SMG1: variants seen among roughly 807,000 people sequenced by gnomAD.
SMG1 encodes the protein SMG1 nonsense mediated mRNA decay associated PI3K related kinase, also known as serine/threonine-protein kinase SMG1.
SMG1 carries 22 observed loss-of-function variants against 419.9 expected under a neutral mutation model. The observed-to-expected ratio is 0.05, with a 90% CI of 0.04 to 0.07. The LOEUF (loss-of-function observed/expected upper bound fraction) is 0.07. Among genes scored for constraint, SMG1 ranks in the 10% least tolerant of loss-of-function variants. The probability of loss-of-function intolerance (pLI) is 1.00; values close to 1 mark genes in which losing one functional copy is unlikely to be tolerated. For missense variants in SMG1, 3,185 were observed against 4,342.0 expected (o/e 0.73, Z 7.49); for synonymous variants, 1,538 against 1,553.5 (o/e 0.99, Z 0.23).
Position 18,876,251 on chromosome 16 carries a change from G to T in SMG1, c.1763C>A (p.Ala588Asp), listed in dbSNP as rs562578878. 77 of 1,611,630 alleles carry T rather than the reference G, an allele frequency of 4.8e-5. No individual in the cohort carries two copies. Among genetic ancestry groups the T allele is most frequent in the Non-Finnish European group, 6.3e-5 (74 of 1,179,702 alleles). Residue 588 changes from alanine (A) to aspartate (D), a missense_variant, in exon 13 of 63, where the codon GCC (alanine) becomes GAC (aspartate). By Grantham distance (126) the Ala-to-Asp change is moderately radical (BLOSUM62 -2). Transcript: ENST00000446231. ...NLLHSLQLPEACSEIKHEAFK... is the reference protein window; with the variant it reads ...NLLHSLQLPEDCSEIKHEAFK... ...AGCCTCATGTTTTATTTCAGAACAG[G>T]CCTCAGGAAGTTGTAGACTGTGTAG...
intron 30 of SMG1, 58 bp downstream of exon 30, chr16:18,854,598 C>T: frequency 4.8e-6 from 7 of 1,471,740 alleles, no homozygotes; most frequent in South Asian, 1.3e-5. Context: ...TACACAGTAA[C>T]ATTCATATAC....
intron 29 of SMG1, chr16:18,857,922 G>A (rs2035003939): frequency 7.7e-6 from 2 of 258,328 alleles, no homozygotes; most frequent in South Asian, 8.2e-5. Flanking sequence ...GTAAAGACAA[G>A]TCTAATCCAT....
chr16:18,864,193 T>TCA, intron 23 of SMG1, 49 bp from the exon 24 acceptor site: 3 of 1,204,596 alleles, frequency 2.5e-6, no homozygotes, highest in Non-Finnish European at 3.3e-6. Flanking sequence ...CTTACTTTTT[T>TCA]TTTTTTTTTT....
chr16:18,925,829 C>T (rs2038377633), intron 1 of SMG1, 121 bp downstream of exon 1: 6 of 731,548 alleles, frequency 8.2e-6, no homozygotes, highest in Admixed American at 4.3e-5. Flanking sequence ...CCCAGGAAGC[C>T]GCGCCCGGCT....
intron 3 of SMG1, among the ~76,000 whole-genome samples, chr16:18,894,941 CCG>C (rs1161442638): frequency 6.6e-6 from 1 of 152,078 alleles, no homozygotes; most frequent in African/African-American, 2.4e-5. Context: ...CCTCAGCCTC[CCG>C]TGTAGCTGGG....
chr16:18,844,788 A>G (rs902528547), intron 39 of SMG1, among the ~76,000 whole-genome samples: 7 of 152,296 alleles, frequency 4.6e-5, no homozygotes, highest in Admixed American at 4.6e-4. Context: ...TAAAGGTAAG[A>G]GACAGAGAAA....
intron 1 of SMG1, among the ~76,000 whole-genome samples, chr16:18,904,582 A>G (rs2037483970): frequency 1.3e-5 from 2 of 151,504 alleles, no homozygotes; most frequent in African/African-American, 4.8e-5. Context: ...AGCTTGCAGT[A>G]AGCCGAGATC....
intron 16 of SMG1, 31 bp from the exon 17 acceptor site, chr16:18,870,919 G>A: frequency 9.3e-7 from 1 of 1,074,672 alleles, no homozygotes; most frequent in Non-Finnish European, 1.4e-6. Flanking sequence ...GTTACTTTCA[G>A]CTGGCCAAAA....
intron 56 of SMG1, among the ~76,000 whole-genome samples, chr16:18,818,438 G>C (rs2032217266): frequency 6.6e-6 from 1 of 151,796 alleles, no homozygotes; most frequent in Non-Finnish European, 1.5e-5. Context: ...TTGCTATGTT[G>C]CCCAGGCTGG....
At position 18,866,811 on chromosome 16, in the gene SMG1, C is replaced by G. The variant is rs773560333; in HGVS notation, c.3196-36G>C. 11 of 1,570,422 alleles carry G rather than the reference C, an allele frequency of 7.0e-6. No individual in the cohort carries two copies. In the African/African-American group the frequency reaches 1.1e-4, roughly 15 times the overall value. ...ATTCAGAAAAATTAGTCACCCAATA[C>G]CATTAAAACATAAATCCCTATAAAA... On this transcript the variant is annotated intron_variant, in intron 22 of 62. Coordinates refer to ENST00000446231, the MANE Select transcript of SMG1 (RefSeq NM_015092.5).
intron 6 of SMG1, among the ~76,000 whole-genome samples, chr16:18,886,989 G>A (rs2036637908): frequency 6.6e-6 from 1 of 152,068 alleles, no homozygotes; most frequent in Non-Finnish European, 1.5e-5. Context: ...CTGTTATACA[G>A]AAGAAAAACC....
In SMG1 at chr16:18,868,170, T is replaced by C. The variant is rs1327882492; in HGVS notation, c.3195+20A>G. 6.4e-7 allele frequency: 1 copy of C among 1,571,640 alleles called. No homozygotes were observed. Among genetic ancestry groups the C allele is most frequent in the East Asian group, 2.3e-5 (1 of 44,286 alleles). ...TTCTTATTAACAGACTTAAAATGAA[T>C]TTCAAACACACCACATTACCTGAGA... On this transcript the variant is annotated intron_variant, in intron 22 of 62. Transcript: ENST00000446231.
At chr16:18,899,708 T>C (rs2037273456) in intron 1 of SMG1, among the ~76,000 whole-genome samples, 1 of 152,060 alleles carries the variant, frequency 6.6e-6, no homozygotes, top group Non-Finnish European at 1.5e-5. Flanking sequence ...AGATTTGAAC[T>C]CCAAGAAGCA....
In SMG1 at chr16:18,854,665, A is replaced by G; in HGVS notation, c.4474T>C (p.Tyr1492His). ...AATTAATTTTACTAACCTGCTGTAT[A>G]AAGCAATTTGGTTTTTTCAATATCA... Reference protein sequence around the residue: ...ELDIEKTKLLYTAGQSTHAME... With the variant: ...ELDIEKTKLLHTAGQSTHAME... Residue 1492 changes from tyrosine to histidine, a missense_variant, in exon 30 of 63, where the codon TAT becomes CAT. Physicochemically the swap from Tyr to His is moderately conservative, Grantham distance 83. Coordinates refer to ENST00000446231, the MANE Select transcript of SMG1 (RefSeq NM_015092.5). 1 of 1,613,442 alleles carries G rather than the reference A, an allele frequency of 6.2e-7. No homozygotes were observed. The highest frequency in any genetic ancestry group is 8.5e-7 in the Non-Finnish European group (1 of 1,179,694).
intron 38 of SMG1, among the ~76,000 whole-genome samples, chr16:18,846,681 G>A (rs897813989): frequency 1.3e-5 from 2 of 152,064 alleles, no homozygotes; most frequent in Admixed American, 6.6e-5. Flanking sequence ...ATACCACTTC[G>A]CATCCATCAC....
At chr16:18,850,497 T>G (rs754585178) in intron 33 of SMG1, 30 bp from the exon 34 acceptor site, 3 of 1,482,000 alleles carry the variant, frequency 2.0e-6, no homozygotes, top group South Asian at 2.3e-5. Flanking sequence ...AAAATGCTAT[T>G]TTAAATACAA....
chr16:18,917,020 G>A (rs2038009115), intron 1 of SMG1, among the ~76,000 whole-genome samples: 1 of 152,006 alleles, frequency 6.6e-6, no homozygotes, highest in Admixed American at 6.6e-5. Context: ...TGTCTAACAT[G>A]AAGATTGAGC....
At chr16:18,924,658 A>G (rs555141629) in intron 1 of SMG1, among the ~76,000 whole-genome samples, 18 of 152,308 alleles carry the variant, frequency 1.2e-4, no homozygotes, top group African/African-American at 3.9e-4. Flanking sequence ...TTTATCGAAC[A>G]ATATTTTTTT....
In SMG1 at chr16:18,812,243, T is replaced by C. The variant is rs1313209086; in HGVS notation, c.10622-116A>G. The C allele has an allele frequency of 3.1e-5, 30 of 978,914 alleles. No homozygotes were observed. The East Asian group carries it at 5.7e-4, about 19-fold the overall frequency. The allele number at this position is 978,914 out of a possible 1,614,324, so 60.6% of individuals were successfully genotyped here. ...GATACCCCAATTAAATAATCAACTATAAATCCTTATCCTTGGACACAGCAA... is the reference window on the plus strand; with the variant it reads ...GATACCCCAATTAAATAATCAACTACAAATCCTTATCCTTGGACACAGCAA... On this transcript the variant is annotated intron_variant, in intron 60 of 62. Coordinates refer to ENST00000446231, the MANE Select transcript of SMG1 (RefSeq NM_015092.5).
Sources: gnomAD v4.1 joint callset for allele counts (sites outside exome capture counted in the v4.1 genomes callset) on GRCh38, gnomAD v4.1.1 for gene constraint, MANE v1.5 for transcripts, NCBI Gene and HGNC (gene_info 2026-07-23, HGNC 2026-07-21) for gene names.